Variants in ZNF606 observed in about 807,000 individuals in gnomAD.
The protein encoded by ZNF606 is zinc finger protein 328.
In ZNF606, 37 loss-of-function variants were observed where a neutral mutation model predicts 74.9. The ratio of observed to expected loss-of-function variants is 0.49; its 90% CI spans 0.38 to 0.65. The LOEUF is 0.65. Among genes scored for constraint, ZNF606 ranks in the 30% least tolerant of loss-of-function variants. ZNF606 has a pLI of 0.00. For synonymous variants in ZNF606, 328 were observed against 312.4 expected (o/e 1.05, Z -0.53); for missense variants, 852 against 952.9 (o/e 0.89, Z 1.39).
At chr19:57,981,596 G>C (rs923627550) in intron 6 of ZNF606, among the ~76,000 whole-genome samples, 4 of 152,110 alleles carry the variant, frequency 2.6e-5, no homozygotes, top group African/African-American at 9.7e-5. Flanking sequence ...GACAAGTGCA[G>C]AAAAAAGGAG....
At chr19:57,983,256 C>T (rs2073114639) in intron 6 of ZNF606, among the ~76,000 whole-genome samples, 1 of 152,082 alleles carries the variant, frequency 6.6e-6, no homozygotes, top group African/African-American at 2.4e-5. Context: ...AGAGATCCTA[C>T]CAAACAGTGA....
At chr19:57,998,141 G>T (rs2073365000) in intron 4 of ZNF606, 1 of 151,938 alleles carries the variant, frequency 6.6e-6, no homozygotes, top group Non-Finnish European at 1.5e-5. Context: ...AAAAATAAAA[G>T]ACCTAAAAAT....
chr19:57,999,721 C>A (rs1440441912), intron 4 of ZNF606, 87 bp downstream of exon 4: 17 of 1,364,218 alleles, frequency 1.2e-5, no homozygotes, highest in Non-Finnish European at 1.0e-6. Flanking sequence ...CAAACTCCAA[C>A]TGTTGTAAAC....
intron 4 of ZNF606, among the ~76,000 whole-genome samples, chr19:57,997,167 GT>G (rs2073352154): frequency 6.6e-6 from 1 of 152,222 alleles, no homozygotes; most frequent in South Asian, 2.1e-4. Context: ...TGTACATAAT[GT>G]TTGTTATGCA....
intron 4 of ZNF606, 133 bp from the exon 5 acceptor site, chr19:57,988,854 AC>A (rs2073207296): frequency 7.0e-7 from 1 of 1,432,580 alleles, no homozygotes; most frequent in African/African-American, 1.4e-5. Flanking sequence ...CAAGAGTCTG[AC>A]TAATGTGAGT....
At chr19:58,003,059 C>T (rs2073470018), upstream of ZNF606, 3 of 411,014 alleles carry the variant, frequency 7.3e-6, no homozygotes, top group African/African-American at 4.1e-5. Context: ...AAGTCGCGGC[C>T]CCGCGGGCCT....
In ZNF606 at chr19:57,979,789, A is replaced by C; in HGVS notation, c.891T>G (p.Ser297=). 6.2e-7 allele frequency: 1 copy of C among 1,613,458 alleles called. No individual in the cohort carries two copies. The change falls in exon 7 of 7, where the codon TCT becomes TCG. Residue 297 remains serine, a synonymous_variant. Transcript: ENST00000551380. ...NLFKCTDAVK[S]FNHIIHFGDH... is the part of the protein sequence containing the mutation. ...CACCAAAATGTATTATATGATTGAA[A>C]GATTTAACAGCATCAGTACATTTGA...
chr19:57,984,201 G>A (rs2073131392), intron 6 of ZNF606, among the ~76,000 whole-genome samples: 1 of 152,204 alleles, frequency 6.6e-6, no homozygotes, highest in Non-Finnish European at 1.5e-5. Flanking sequence ...CAGCTTAGGG[G>A]ACATGCAGAA....
chr19:58,000,016 C>A, intron 3 of ZNF606, 120 bp from the exon 4 acceptor site: 1 of 792,710 alleles, frequency 1.3e-6, no homozygotes, highest in Non-Finnish European at 2.0e-6. Context: ...AGACCCACTT[C>A]CTCATTCTAT....
intron 3 of ZNF606, chr19:58,000,176 G>T (rs1186254503): frequency 1.0e-5 from 5 of 500,210 alleles, no homozygotes; most frequent in Middle Eastern, 5.1e-4. Flanking sequence ...GGCCACACAT[G>T]AATTCTCATG....
rs149619016 is a variant in ZNF606, at chr19:57,995,851, T to A, written c.177+3957A>T. ...AAAAAGACTGTCTATGTCTATATAG[T>A]TTATCATCTATGTATGCATATGAAA... On this transcript the variant is annotated intron_variant, in intron 4 of 6. Transcript: ENST00000551380. Among the ~76,000 whole-genome samples, 1,153 of 152,184 alleles carry A rather than the reference T, an allele frequency of 7.6e-3. 11 individuals carry two copies. Among genetic ancestry groups the A allele is most frequent in the Non-Finnish European group, 0.012 (801 of 68,010 alleles).
At position 57,978,250 on chromosome 19, in the gene ZNF606, T is replaced by C; in HGVS notation, c.*51A>G. On this transcript the variant is annotated 3_prime_UTR_variant, in exon 7 of 7. Transcript: ENST00000551380. The surrounding 1 kb of genome is among the most constrained non-coding windows in gnomAD (Gnocchi z 4.4). ...TCCCCTCTTGATTATGTTTATAGGG[T>C]TTTCCTCAATGTGTTGTCAAATGTA... The C allele has an allele frequency of 6.7e-7, 1 of 1,500,970 alleles. No individual in the cohort carries two copies. Among genetic ancestry groups the C allele is most frequent in the East Asian group, 2.3e-5 (1 of 43,614 alleles). The allele number at this position is 1,500,970 out of a possible 1,614,324, so 93.0% of individuals were successfully genotyped here. A position where few individuals can be genotyped will look rare whatever the true frequency, so the allele number is the denominator to read the frequency against.
At chr19:58,001,559 G>GA (rs1005699566) in intron 1 of ZNF606, among the ~76,000 whole-genome samples, 189 bp from the exon 2 acceptor site, 4 of 152,136 alleles carry the variant, frequency 2.6e-5, no homozygotes, top group Non-Finnish European at 5.9e-5. Context: ...GCATAAGCTG[G>GA]AAAAAAGAGC....
intron 4 of ZNF606, among the ~76,000 whole-genome samples, chr19:57,990,051 C>CAAAAAA (rs1159494660): frequency 0.013 from 181 of 13,842 alleles, 38 homozygotes; most frequent in African/African-American, 0.048. Flanking sequence ...GACTCCATCT[C>CAAAAAA]AAAAAAAAAA....
chr19:57,994,488 A>G (rs2073305733), intron 4 of ZNF606, among the ~76,000 whole-genome samples: 2 of 152,350 alleles, frequency 1.3e-5, no homozygotes, highest in South Asian at 4.1e-4. Flanking sequence ...CCAACATTCA[A>G]ATATCTGACT....
chr19:57,992,710 T>A (rs2073278710), intron 4 of ZNF606, among the ~76,000 whole-genome samples: 1 of 152,252 alleles, frequency 6.6e-6, no homozygotes. Flanking sequence ...TACATATCTC[T>A]TAGATACACA....
intron 6 of ZNF606, among the ~76,000 whole-genome samples, chr19:57,987,019 T>C (rs544801898): frequency 2.0e-5 from 3 of 151,966 alleles, no homozygotes; most frequent in South Asian, 2.1e-4. Context: ...AAGCTTGCAA[T>C]GCAGAGGCTG....
At chr19:57,988,112 C>A in intron 6 of ZNF606, 95 bp downstream of exon 6, 1 of 897,472 alleles carries the variant, frequency 1.1e-6, no homozygotes, top group Admixed American at 2.8e-5. Flanking sequence ...ATTCTAAATG[C>A]ATCTGAGGAA....
intron 6 of ZNF606, among the ~76,000 whole-genome samples, chr19:57,981,249 G>A (rs1000812924): frequency 5.9e-5 from 9 of 152,134 alleles, no homozygotes; most frequent in African/African-American, 2.2e-4. Flanking sequence ...CCCCATGTAC[G>A]CTACTGGAAG....
Sources: allele counts gnomAD v4.1 joint callset (sites outside exome capture counted in the v4.1 genomes callset), GRCh38; gene constraint gnomAD v4.1.1; non-coding constraint Gnocchi (gnomAD v3.1); transcripts MANE v1.5; gene names NCBI Gene and HGNC (gene_info 2026-07-23, HGNC 2026-07-21).